GMDS: variants seen among roughly 807,000 people sequenced by gnomAD.
GMDS encodes GDP-mannose 4,6 dehydratase.
In GMDS, 20 loss-of-function variants were observed where a neutral mutation model predicts 49.9. The observed-to-expected ratio is 0.40, with a 90% CI of 0.28 to 0.58. The LOEUF is 0.58. GMDS is among the 20% of genes least tolerant of loss of function. The pLI is 0.42. For missense variants in GMDS, 362 were observed against 481.4 expected, an observed-to-expected ratio of 0.75 and a Z score of 2.32; for synonymous variants, 177 against 178.6, an observed-to-expected ratio of 0.99 and a Z score of 0.07.
intron 4 of GMDS, among the ~76,000 whole-genome samples, chr6:2,007,010 T>C (rs760152313): frequency 6.6e-6 from 1 of 152,184 alleles, no homozygotes; most frequent in Non-Finnish European, 1.5e-5. Flanking sequence ...AGAGAAAAAG[T>C]GACAAAAGAT....
At position 1,917,348 on chromosome 6, in the gene GMDS, C is replaced by G. The variant is rs1189149041; in HGVS notation, c.771+12755G>C. Reference sequence around the variant, plus strand: ...AGGGCTGGAACCCACTGCCTGATACCAAGAGAAGACATCAAACAAGGGTTT... The same window carrying G: ...AGGGCTGGAACCCACTGCCTGATACGAAGAGAAGACATCAAACAAGGGTTT... On this transcript the variant is annotated intron_variant, in intron 7 of 10. Transcript: ENST00000380815. Among the ~76,000 whole-genome samples, 3 of 152,266 alleles carry G rather than the reference C, an allele frequency of 2.0e-5. No individual in the cohort carries two copies. The East Asian group carries it at 5.8e-4, about 29-fold the overall frequency.
chr6:1,772,290 T>C (rs1768609006), intron 7 of GMDS, among the ~76,000 whole-genome samples: 1 of 152,164 alleles, frequency 6.6e-6, no homozygotes, highest in Admixed American at 6.5e-5. Context: ...AAAAAACATG[T>C]TTCTTATAAT....
chr6:2,120,911 T>G (rs1267624162), intron 2 of GMDS, among the ~76,000 whole-genome samples: 1 of 152,186 alleles, frequency 6.6e-6, no homozygotes, highest in East Asian at 1.9e-4. Flanking sequence ...CTTGTCCACA[T>G]TAGACCCCAT....
rs114277132 is a variant in GMDS, at chr6:1,920,035, T to A, written c.771+10068A>T. 5.8e-3 allele frequency among the ~76,000 whole-genome samples: 881 copies of A among 152,282 alleles called. 6 individuals carry two copies. The highest frequency in any genetic ancestry group is 0.02 in the African/African-American group (822 of 41,532). On this transcript the variant is annotated intron_variant, in intron 7 of 10. Transcript: ENST00000380815. ...TACCTGAGAAAAAGGATAAGGAGAA[T>A]CTTTGTGGCATTACTGCTATAATTC...
chr6:1,878,632 A>C (rs977879064), intron 7 of GMDS, among the ~76,000 whole-genome samples: 2 of 152,196 alleles, frequency 1.3e-5, no homozygotes, highest in Non-Finnish European at 2.9e-5. Context: ...GAGGTGCAAA[A>C]TGCAAATGTA....
chr6:1,968,964 T>G (rs919658800), intron 4 of GMDS, among the ~76,000 whole-genome samples: 11 of 152,050 alleles, frequency 7.2e-5, no homozygotes, highest in African/African-American at 2.4e-4. Flanking sequence ...GAAAGTTCAT[T>G]TATTTATAAG....
chr6:2,194,879 T>C (rs943772494), intron 1 of GMDS, among the ~76,000 whole-genome samples: 3 of 152,252 alleles, frequency 2.0e-5, no homozygotes, highest in African/African-American at 7.2e-5. Flanking sequence ...TTATCAAGAC[T>C]TTCAGACACA....
chr6:2,020,264 T>C (rs899572235), intron 4 of GMDS, among the ~76,000 whole-genome samples: 1 of 152,048 alleles, frequency 6.6e-6, no homozygotes, highest in Non-Finnish European at 1.5e-5. Context: ...ACATTGAATA[T>C]GTATGCCTAA....
At chr6:1,683,917 G>A (rs116080964) in intron 9 of GMDS, among the ~76,000 whole-genome samples, 433 of 151,132 alleles carry the variant, frequency 2.9e-3, no homozygotes, top group African/African-American at 0.01. Flanking sequence ...TTTTGCGATC[G>A]GTAGGCCTGG....
At chr6:1,975,347 G>A (rs1764838990) in intron 4 of GMDS, among the ~76,000 whole-genome samples, 1 of 152,148 alleles carries the variant, frequency 6.6e-6, no homozygotes, top group South Asian at 2.1e-4. Flanking sequence ...CTGTAACAAA[G>A]TGCATTTCAG....
At chr6:2,055,910 G>A (rs181390473) in intron 4 of GMDS, among the ~76,000 whole-genome samples, 26 of 152,110 alleles carry the variant, frequency 1.7e-4, no homozygotes, top group African/African-American at 4.8e-4. Flanking sequence ...CCCAATACTC[G>A]CTTGAAATTA....
At chr6:2,124,610 G>T in intron 2 of GMDS, 77 bp downstream of exon 2, 5 of 1,024,164 alleles carry the variant, frequency 4.9e-6, no homozygotes, top group South Asian at 1.3e-5. Context: ...TCAGGAGGAC[G>T]GCAGCAGAGG....
chr6:1,825,232 T>G (rs9328071), intron 7 of GMDS, among the ~76,000 whole-genome samples: 41,806 of 152,154 alleles, frequency 0.27, 6,052 homozygotes, highest in Middle Eastern at 0.39. Flanking sequence ...TTAACTTGTA[T>G]AGCATCCTTC....
At chr6:2,108,896 C>A (rs1774390870) in intron 4 of GMDS, among the ~76,000 whole-genome samples, 1 of 152,100 alleles carries the variant, frequency 6.6e-6, no homozygotes, top group African/African-American at 2.4e-5. Context: ...AAAATCTTTG[C>A]CACTTTAGAA....
At chr6:1,824,778 A>G (rs1771039912) in intron 7 of GMDS, among the ~76,000 whole-genome samples, 1 of 152,200 alleles carries the variant, frequency 6.6e-6, no homozygotes, top group African/African-American at 2.4e-5. Context: ...AGTACCTGGT[A>G]CTTTTTAAGT....
At chr6:1,645,955 T>A (rs895146859) in intron 9 of GMDS, among the ~76,000 whole-genome samples, 1 of 152,214 alleles carries the variant, frequency 6.6e-6, no homozygotes, top group African/African-American at 2.4e-5. Flanking sequence ...GAGTGCACTA[T>A]ATGGACCTCT....
chr6:1,706,276 T>G (rs1449768269), intron 9 of GMDS, among the ~76,000 whole-genome samples: 6 of 152,148 alleles, frequency 3.9e-5, no homozygotes, highest in African/African-American at 9.7e-5. Flanking sequence ...GGGCAGGTGC[T>G]GAGGCAGGAA....
chr6:2,100,369 A>G (rs1397999379), intron 4 of GMDS, among the ~76,000 whole-genome samples: 4 of 152,074 alleles, frequency 2.6e-5, no homozygotes, highest in African/African-American at 7.2e-5. Flanking sequence ...TGAGATAAAT[A>G]ACTTCTAAGT....
chr6:2,142,765 G>A (rs1372110933), intron 1 of GMDS, among the ~76,000 whole-genome samples: 1 of 152,144 alleles, frequency 6.6e-6, no homozygotes, highest in Non-Finnish European at 1.5e-5. Flanking sequence ...CAGGCAAGGT[G>A]GCCGGGCAAG....
Sources: gnomAD v4.1 joint callset for allele counts (sites outside exome capture counted in the v4.1 genomes callset) on GRCh38, gnomAD v4.1.1 for gene constraint, MANE v1.5 for transcripts, NCBI Gene and HGNC (gene_info 2026-07-23, HGNC 2026-07-21) for gene names.